PBRM1: variants seen among roughly 807,000 people sequenced by gnomAD.
The protein encoded by PBRM1 is polybromo 1, also known as protein polybromo-1.
A neutral mutation model predicts 194.5 loss-of-function variants in PBRM1; 27 were observed. The observed-to-expected ratio is 0.14, with a 90% CI of 0.10 to 0.19. PBRM1 has a LOEUF of 0.19. Ranked by LOEUF, PBRM1 falls within the 10% of genes least tolerant of loss-of-function variation. PBRM1 has a pLI of 1.00. For synonymous variants in PBRM1, 655 were observed against 693.2 expected (o/e 0.94, Z 0.87); for missense variants, 1,466 against 2,077.2 (o/e 0.71, Z 5.72).
At chr3:52,645,149 A>G (rs893848720) in intron 7 of PBRM1, among the ~76,000 whole-genome samples, 1 of 152,116 alleles carries the variant, frequency 6.6e-6, no homozygotes, top group Non-Finnish European at 1.5e-5. Flanking sequence ...CCTGGAACAC[A>G]TTTCTGTCTA....
At chr3:52,641,036 C>G (rs1331613221) in intron 10 of PBRM1, among the ~76,000 whole-genome samples, 1 of 152,060 alleles carries the variant, frequency 6.6e-6, no homozygotes, top group Non-Finnish European at 1.5e-5. Flanking sequence ...TAAAAAAATA[C>G]TTAATTCTGT....
intron 17 of PBRM1, 92 bp downstream of exon 19, chr3:52,603,429 C>A: frequency 7.5e-7 from 1 of 1,333,588 alleles, no homozygotes; most frequent in Non-Finnish European, 1.0e-6. Context: ...AGTTTTCATT[C>A]ATACAAACAG....
At chr3:52,619,572 C>T (rs2095167169) in intron 13 of PBRM1, among the ~76,000 whole-genome samples, 1 of 152,102 alleles carries the variant, frequency 6.6e-6, no homozygotes, top group Admixed American at 6.5e-5. Context: ...GCCAACTGTA[C>T]TTAGAGGTAA....
chr3:52,678,650 G>A (rs765768786), intron 1 of PBRM1, 53 bp from the exon 3 acceptor site: 12 of 1,109,614 alleles, frequency 1.1e-5, no homozygotes, highest in Non-Finnish European at 1.5e-5. Context: ...CAGAAAGCCA[G>A]TGTAGACATA....
intron 7 of PBRM1, among the ~76,000 whole-genome samples, chr3:52,647,486 A>ATG (rs2096354121): frequency 3.3e-5 from 4 of 121,648 alleles, no homozygotes; most frequent in Admixed American, 9.8e-5. Flanking sequence ...ATATATATAT[A>ATG]TATGTAGTAT....
intron 16 of PBRM1, 43 bp from the exon 19 acceptor site, chr3:52,603,775 C>T: frequency 6.6e-7 from 1 of 1,518,298 alleles, no homozygotes; most frequent in Non-Finnish European, 9.0e-7. Flanking sequence ...CAAGCTGTTT[C>T]TTTTAAACAC....
chr3:52,646,973 G>A (rs1661584526), intron 7 of PBRM1, among the ~76,000 whole-genome samples: 1 of 152,012 alleles, frequency 6.6e-6, no homozygotes. Context: ...GAAAAGACAA[G>A]AGAATGGGAG....
rs1270941750 is a variant in PBRM1, at chr3:52,563,975, AAAAAC to A, written c.3875+70_3875+74del. 6 of 890,598 alleles carry A rather than the reference AAAAAC, an allele frequency of 6.7e-6. No individual in the cohort carries two copies. In the African/African-American group the frequency reaches 1.0e-4, roughly 15 times the overall value. The allele number at this position is 890,598 out of a possible 1,614,324, so 55.2% of individuals were successfully genotyped here. ...CTAGTTTAAGATCTAATAAAAAATT[AAAAAC>A]ACTGGACTACACTATGTTGCTATCA... On this transcript the variant is annotated intron_variant, in intron 23 of 29. Coordinates refer to ENST00000296302, the Ensembl canonical transcript of PBRM1.
chr3:52,680,466 T>C (rs923036421), upstream of PBRM1, among the ~76,000 whole-genome samples: 21 of 152,190 alleles, frequency 1.4e-4, no homozygotes, highest in African/African-American at 4.8e-4. Context: ...TATGACATAC[T>C]CTAACTATAA....
At chr3:52,642,367 C>A (rs1401001442) in intron 9 of PBRM1, among the ~76,000 whole-genome samples, 2 of 152,038 alleles carry the variant, frequency 1.3e-5, no homozygotes, top group African/African-American at 4.8e-5. Flanking sequence ...GTAATCCCAG[C>A]ACTTTGGGAG....
At chr3:52,643,137 C>G in intron 9 of PBRM1, 111 bp downstream of exon 10, 1 of 805,490 alleles carries the variant, frequency 1.2e-6, no homozygotes, top group Non-Finnish European at 2.2e-6. Context: ...TTCTCATTAA[C>G]AACCAAACTA....
chr3:52,657,492 T>C (rs2096629738), intron 5 of PBRM1, among the ~76,000 whole-genome samples: 1 of 152,122 alleles, frequency 6.6e-6, no homozygotes, highest in Non-Finnish European at 1.5e-5. Context: ...TTTTTTGAGA[T>C]GGACTCTTGC....
At chr3:52,647,701 T>C (rs2096362980) in intron 7 of PBRM1, among the ~76,000 whole-genome samples, 1 of 151,724 alleles carries the variant, frequency 6.6e-6, no homozygotes, top group Non-Finnish European at 1.5e-5. Context: ...CTGAAAACAT[T>C]ACGCTAACTG....
At chr3:52,678,990 T>C (rs1299368718) in intron 1 of PBRM1, among the ~76,000 whole-genome samples, 1 of 152,148 alleles carries the variant, frequency 6.6e-6, no homozygotes, top group Non-Finnish European at 1.5e-5. Context: ...ACTCCAAACA[T>C]TGCTTGTGTG....
chr3:52,571,856 C>CAAAAAAAAAAAAAAAAAA lies in PBRM1; in HGVS notation c.3691+4667_3691+4684dup, dbSNP rs58430288. ...GAGCAAGAGGGATACCTCATCTCCC[C>CAAAAAAAAAAAAAAAAAA]AAAAAAAAAAAAAAAAAAAAAAAAA... On this transcript the variant is annotated intron_variant, in intron 22 of 29. Transcript: ENST00000296302. 1.1e-4 allele frequency among the ~76,000 whole-genome samples: 4 copies of CAAAAAAAAAAAAAAAAAA among 37,090 alleles called. 2 individuals are homozygous for CAAAAAAAAAAAAAAAAAA. Among genetic ancestry groups the CAAAAAAAAAAAAAAAAAA allele is most frequent in the African/African-American group, 4.6e-4 (4 of 8,722 alleles). The allele number at this position is 37,090 out of a possible 152,430, so 24.3% of individuals were successfully genotyped here.
In PBRM1 at chr3:52,594,917, C is replaced by T. The variant is rs146712511; in HGVS notation, c.2780-5662G>A. ...AGGCCCCCAATCTCTTCTTGGCTTG[C>T]AGCGTTTGTGCTGACAGGTGCACAG... On this transcript the variant is annotated intron_variant, in intron 17 of 29. Transcript: ENST00000296302. 3.4e-3 allele frequency among the ~76,000 whole-genome samples: 516 copies of T among 152,298 alleles called. 1 individual carries two copies. The highest frequency in any genetic ancestry group is 6.4e-3 in the Non-Finnish European group (433 of 68,022).
rs779256405 is a variant in PBRM1 at position 52,651,702 on chromosome 3, G to T, written c.714+40C>A. The T allele has an allele frequency of 4.0e-6, 5 of 1,241,434 alleles. No individual in the cohort carries two copies. In the African/African-American group the frequency reaches 6.1e-5, roughly 15 times the overall value. The allele number at this position is 1,241,434 out of a possible 1,614,324, so 76.9% of individuals were successfully genotyped here. On this transcript the variant is annotated intron_variant, in intron 6 of 29. Transcript: ENST00000296302. ...TCTAGGAAAGATCATAGGCCAATCT[G>T]CTCTAAACCACAATCATTTACTTAT...
In PBRM1 at chr3:52,566,054, C is replaced by CAAAAA. The variant is rs1191196146; in HGVS notation, c.3692-1822_3692-1821insTTTTT. On this transcript the variant is annotated intron_variant, in intron 22 of 29. Transcript: ENST00000296302. ...GAAAGAGCGAGACTCTGTCTCAAAACAAAACAAAACAAAACAAAAAAAACA... is the reference window on the plus strand; with the variant it reads ...GAAAGAGCGAGACTCTGTCTCAAAACAAAAAAAAACAAAACAAAACAAAAAAAACA... Among the ~76,000 whole-genome samples, 4 of 68,822 alleles carry CAAAAA rather than the reference C, an allele frequency of 5.8e-5. No individual in the cohort carries two copies. The East Asian group carries it at 2.3e-3, about 40-fold the overall frequency. The allele number at this position is 68,822 out of a possible 152,430, so 45.1% of individuals were successfully genotyped here. A position where few individuals can be genotyped will look rare whatever the true frequency, so the allele number is the denominator to read the frequency against.
downstream of PBRM1, chr3:52,547,400 A>C (rs886382766): frequency 3.4e-5 from 8 of 233,132 alleles, no homozygotes; most frequent in Non-Finnish European, 5.9e-5. Context: ...ACAGATGCAC[A>C]GCACTGATTA....
Sources: gnomAD v4.1 joint callset for allele counts (sites outside exome capture counted in the v4.1 genomes callset) on GRCh38, gnomAD v4.1.1 for gene constraint, MANE v1.5 for transcripts, NCBI Gene and HGNC (gene_info 2026-07-23, HGNC 2026-07-21) for gene names.